Variants in BACH1 observed in about 807,000 individuals in gnomAD.
BACH1 encodes transcription regulator protein BACH1.
BACH1 carries 35 observed loss-of-function variants against 52.9 expected under a neutral mutation model. That is an observed-to-expected ratio of 0.66 (90% CI 0.51 to 0.88). The LOEUF is 0.88. BACH1 is among the 40% of genes least tolerant of loss of function. BACH1 has a pLI of 0.00. For synonymous variants in BACH1, 321 were observed against 319.6 expected, an observed-to-expected ratio of 1.00 and a Z score of -0.05; for missense variants, 808 against 872.6, an observed-to-expected ratio of 0.93 and a Z score of 0.93.
chr21:29,334,924 C>CTT (rs2089026982), intron 4 of BACH1, among the ~76,000 whole-genome samples: 1 of 152,224 alleles, frequency 6.6e-6, no homozygotes, highest in African/African-American at 2.4e-5. Flanking sequence ...AACCTGCCCT[C>CTT]TGTCATTCCG....
At chr21:29,312,443 A>G (rs913347288) in intron 1 of BACH1, among the ~76,000 whole-genome samples, 1 of 152,240 alleles carries the variant, frequency 6.6e-6, no homozygotes, top group Admixed American at 6.5e-5. Flanking sequence ...GGGAAGAAAA[A>G]GAAATAAGCA....
Position 29,326,937 on chromosome 21 carries a change from C to A in BACH1, c.1113C>A (p.Ser371=). The part of the protein sequence containing the change: ...FGESQDLPLK[S]DLGTREDSSV... ...AAAGTCAGGATTTACCTTTGAAATC[C>A]GACTTGGGCACCAGGGAAGATAGTA... The change falls in exon 3 of 5, where the codon TCC becomes TCA. Residue 371 remains serine (S), a synonymous_variant. Coordinates refer to ENST00000286800, the MANE Select transcript of BACH1 (RefSeq NM_001186.4). The A allele has an allele frequency of 1.2e-6, 2 of 1,614,144 alleles. No individual in the cohort carries two copies. The highest frequency in any genetic ancestry group is 1.7e-6 in the Non-Finnish European group (2 of 1,180,038).
chr21:29,305,735 C>G (rs1250424366), intron 1 of BACH1, among the ~76,000 whole-genome samples: 1 of 152,194 alleles, frequency 6.6e-6, no homozygotes, highest in Non-Finnish European at 1.5e-5. Context: ...GCTGTTCTCC[C>G]CCAACTCACA....
At chr21:29,313,491 A>G (rs1292649454) in intron 1 of BACH1, among the ~76,000 whole-genome samples, 1 of 152,250 alleles carries the variant, frequency 6.6e-6, no homozygotes, top group African/African-American at 2.4e-5. Context: ...GCAAATGTTC[A>G]TCAAAGCTTT....
chr21:29,343,084 A>T lies in BACH1; in HGVS notation c.*251A>T, dbSNP rs2089134174. The T allele has an allele frequency of 3.0e-6, 1 of 333,982 alleles. No homozygotes were observed. The highest frequency in any genetic ancestry group is 6.0e-5 in the South Asian group (1 of 16,606). 20.7% of individuals were successfully genotyped at this position (333,982 alleles called of 1,614,324 possible). ...GTAAACCTTTAAAACTCATGTTTTA[A>T]AGAATAATAACTCTAGTAATAACTC... On this transcript the variant is annotated 3_prime_UTR_variant, in exon 5 of 5. Transcript: ENST00000286800.
intron 4 of BACH1, among the ~76,000 whole-genome samples, chr21:29,334,064 C>G (rs1294788002): frequency 6.6e-6 from 1 of 151,778 alleles, no homozygotes; most frequent in African/African-American, 2.4e-5. Flanking sequence ...AATGCATAAG[C>G]CAGTAACATG....
In BACH1 at chr21:29,326,437, C is replaced by G. The variant is rs763472575; in HGVS notation, c.613C>G (p.Gln205Glu). The part of the protein sequence containing the change: ...ASPPLQDSAS[Q>E]TYESMCLEKD... ...ACCTCCTCTACAAGACAGTGCCAGT[C>G]AGACATATGAGTCCATGTGCTTAGA... The change falls in exon 3 of 5, where the codon CAG becomes GAG. Residue 205 changes from glutamine (Q) to glutamate (E), a missense_variant. Gln to Glu is a conservative substitution (Grantham distance 29). Transcript: ENST00000286800. 51 of 1,614,210 alleles carry G rather than the reference C, an allele frequency of 3.2e-5. No homozygotes were observed. In the East Asian group the frequency reaches 1.1e-3, roughly 34 times the overall value.
chr21:29,330,285 C>A (rs1168630503), intron 4 of BACH1, among the ~76,000 whole-genome samples: 2 of 152,162 alleles, frequency 1.3e-5, no homozygotes, highest in Non-Finnish European at 2.9e-5. Context: ...CTGCCTCAGC[C>A]TCCGGAGTAG....
intron 1 of BACH1, among the ~76,000 whole-genome samples, chr21:29,306,877 T>G (rs1601337934): frequency 6.6e-6 from 1 of 152,344 alleles, no homozygotes; most frequent in Non-Finnish European, 1.5e-5. Context: ...AAATTGAAAA[T>G]GCCAATTTTG....
At chr21:29,351,943 A>G in intron 2 of BACH1, 2 of 326,900 alleles carry the variant, frequency 6.1e-6, no homozygotes, top group Admixed American at 7.6e-5. Flanking sequence ...GACTAAAAGA[A>G]TTGCAGAAAT....
intron 2 of BACH1, among the ~76,000 whole-genome samples, chr21:29,358,104 G>T (rs1662883042): frequency 1.3e-5 from 2 of 152,242 alleles, no homozygotes; most frequent in Non-Finnish European, 1.5e-5. Context: ...AGGGGAGAAG[G>T]AGGGCCCCTG....
rs2088918202 is a variant in BACH1 at position 29,326,817 on chromosome 21, A to G, written c.993A>G (p.Gln331=). The stretch of plus-strand genomic sequence containing the variant: ...TGTCTCTTTTACACACATATGACCA[A>G]TATGGTGACTTGAATTTTGCTGGTA... ...YSLSLLHTYD[Q]YGDLNFAGMQ... The change falls in exon 3 of 5, where the codon CAA becomes CAG. Residue 331 remains glutamine, a synonymous_variant. Transcript: ENST00000286800. The G allele has an allele frequency of 6.2e-7, 1 of 1,614,180 alleles. No individual in the cohort carries two copies.
intron 2 of BACH1, among the ~76,000 whole-genome samples, chr21:29,359,833 AC>A (rs2089260420): frequency 6.6e-6 from 1 of 151,916 alleles, no homozygotes; most frequent in Non-Finnish European, 1.5e-5. Context: ...ATTAATTGAT[AC>A]CTTATCTTCA....
At chr21:29,349,135 T>C (rs1569025678), downstream of BACH1, among the ~76,000 whole-genome samples, 3 of 151,612 alleles carry the variant, frequency 2.0e-5, no homozygotes, top group South Asian at 6.3e-4. Flanking sequence ...ATTTAAGCAG[T>C]CCAGAATCAA....
At chr21:29,334,128 A>G (rs1220936976) in intron 4 of BACH1, among the ~76,000 whole-genome samples, 5 of 149,774 alleles carry the variant, frequency 3.3e-5, no homozygotes, top group Admixed American at 2.7e-4. Flanking sequence ...TTTTTGAGGC[A>G]GAGTCTCGCT....
chr21:29,332,745 TC>T (rs1359257098), intron 4 of BACH1, among the ~76,000 whole-genome samples: 1 of 152,202 alleles, frequency 6.6e-6, no homozygotes, highest in African/African-American at 2.4e-5. Context: ...ACTAATCCAG[TC>T]AGAGACTACT....
At chr21:29,351,525 A>G in intron 2 of BACH1, 1 of 459,794 alleles carries the variant, frequency 2.2e-6, no homozygotes, top group Non-Finnish European at 4.5e-6. Flanking sequence ...TGAAGAAGGA[A>G]CTCGTTTTTT....
At position 29,326,551 on chromosome 21, in the gene BACH1, GA is replaced by G; in HGVS notation, c.729del (p.Glu243AspfsTer33). On this transcript the variant is annotated frameshift_variant, in exon 3 of 5. Coordinates refer to ENST00000286800, the MANE Select transcript of BACH1 (RefSeq NM_001186.4). LOFTEE classifies it high-confidence loss of function. ...AFGTDRVRTG[E>X]SSVKDIHASV... ...TGGAACTGACAGAGTCCGTACTGGG[GA>G]ATCTAGTGTCAAAGACATTCATGCT... The G allele has an allele frequency of 6.2e-7, 1 of 1,614,188 alleles. No individual in the cohort carries two copies. The highest frequency in any genetic ancestry group is 1.3e-5 in the African/African-American group (1 of 75,046).
chr21:29,323,460 A>C (rs1189395691), intron 2 of BACH1, among the ~76,000 whole-genome samples: 2 of 152,192 alleles, frequency 1.3e-5, no homozygotes, highest in Non-Finnish European at 2.9e-5. Context: ...GTCTGATGTC[A>C]AGGGCAGGAG....
Sources: allele counts gnomAD v4.1 joint callset (sites outside exome capture counted in the v4.1 genomes callset), GRCh38; gene constraint gnomAD v4.1.1; transcripts MANE v1.5; gene names NCBI Gene and HGNC (gene_info 2026-07-23, HGNC 2026-07-21).